The following DOT1L variants were observed in gnomAD, a reference collection of about 807,000 sequenced individuals.
DOT1L encodes histone-lysine N-methyltransferase, H3 lysine-79 specific.
DOT1L carries 33 observed loss-of-function variants against 153.3 expected under a neutral mutation model. That is an observed-to-expected ratio of 0.22 (90% CI 0.16 to 0.29). DOT1L has a LOEUF of 0.29. Among genes scored for constraint, DOT1L ranks in the 10% least tolerant of loss-of-function variants. The pLI is 1.00. For missense variants in DOT1L, 1,847 were observed against 2,119.9 expected, an observed-to-expected ratio of 0.87 and a Z score of 2.53; for synonymous variants, 1,135 against 965.1, an observed-to-expected ratio of 1.18 and a Z score of -3.26.
chr19:2,210,492 C>T lies in DOT1L; in HGVS notation c.1098C>T (p.Gly366=). ...AGGGCCCAGAGGGCAAGGTGGCCGGCCCCGCCGACGCCCCCATGGTAAGGC... is the reference window on the plus strand; with the variant it reads ...AGGGCCCAGAGGGCAAGGTGGCCGGTCCCGCCGACGCCCCCATGGTAAGGC... The part of the protein sequence containing the change: ...PTKGPEGKVA[G]PADAPMDSGA... The change falls in exon 13 of 28, where the codon GGC becomes GGT. Residue 366 remains glycine, a synonymous_variant. Coordinates refer to ENST00000398665, the MANE Select transcript of DOT1L (RefSeq NM_032482.3). The T allele has an allele frequency of 1.3e-6, 2 of 1,594,068 alleles. No individual in the cohort carries two copies. The highest frequency in any genetic ancestry group is 8.5e-7 in the Non-Finnish European group (1 of 1,171,892).
At chr19:2,223,779 C>A (rs971153328) in intron 25 of DOT1L, among the ~76,000 whole-genome samples, 1 of 152,170 alleles carries the variant, frequency 6.6e-6, no homozygotes, top group African/African-American at 2.4e-5. Flanking sequence ...AGCAGTGAGG[C>A]GTTGGAGGTC....
intron 9 of DOT1L, among the ~76,000 whole-genome samples, chr19:2,206,220 G>A (rs1482212895): frequency 6.6e-6 from 1 of 151,594 alleles, no homozygotes; most frequent in Non-Finnish European, 1.5e-5. Flanking sequence ...GGCTGGCCTC[G>A]GGTGATCCAC....
intron 27 of DOT1L, chr19:2,227,874 C>G: frequency 7.8e-7 from 1 of 1,277,590 alleles, no homozygotes; most frequent in Non-Finnish European, 1.0e-6. Context: ...CTCTTCCTTT[C>G]AGGCCCCGGC....
intron 2 of DOT1L, among the ~76,000 whole-genome samples, chr19:2,182,388 A>G (rs1271260141): frequency 6.6e-6 from 1 of 152,104 alleles, no homozygotes; most frequent in Non-Finnish European, 1.5e-5. Context: ...AAAAAAGTAA[A>G]AAATTAGCTG....
chr19:2,213,523 C>G lies in DOT1L; in HGVS notation c.1558-16C>G. 1 of 1,611,540 alleles carries G rather than the reference C, an allele frequency of 6.2e-7. No individual in the cohort carries two copies. The highest frequency in any genetic ancestry group is 8.5e-7 in the Non-Finnish European group (1 of 1,179,624). On this transcript the variant is annotated splice_polypyrimidine_tract_variant and intron_variant, in intron 16 of 27. Coordinates refer to ENST00000398665, the MANE Select transcript of DOT1L (RefSeq NM_032482.3). ...CCTGCCCTGGCCCTTAGTCACCTGC[C>G]CTGTTTGTCCTACAGGAGAAGAACG...
At chr19:2,172,538 C>A (rs2021698806) in intron 1 of DOT1L, among the ~76,000 whole-genome samples, 1 of 139,846 alleles carries the variant, frequency 7.2e-6, no homozygotes. Context: ...GAGTCTCACT[C>A]TTTTTACTCA....
intron 9 of DOT1L, 86 bp downstream of exon 9, chr19:2,202,865 A>AG: frequency 2.9e-6 from 4 of 1,390,402 alleles, no homozygotes; most frequent in Admixed American, 1.7e-5. Context: ...GTCCTGCAGA[A>AG]GGCAGCTCAG....
At chr19:2,219,962 G>A (rs1315853028) in intron 22 of DOT1L, 146 bp from the exon 23 acceptor site, 6 of 670,828 alleles carry the variant, frequency 8.9e-6, no homozygotes, top group South Asian at 1.9e-5. Context: ...AAGTTCCCCC[G>A]CTGCCCTCTT....
intron 3 of DOT1L, among the ~76,000 whole-genome samples, chr19:2,187,698 G>GCA (rs2022580848): frequency 6.6e-6 from 1 of 152,144 alleles, no homozygotes; most frequent in Non-Finnish European, 1.5e-5. Flanking sequence ...CGAGGCGGAT[G>GCA]GATCACGAGG....
At chr19:2,205,059 C>G (rs2023440399) in intron 9 of DOT1L, among the ~76,000 whole-genome samples, 1 of 152,134 alleles carries the variant, frequency 6.6e-6, no homozygotes, top group Non-Finnish European at 1.5e-5. Flanking sequence ...CAAGCTCCGC[C>G]TCCCAGGTTC....
chr19:2,164,840 G>A (rs2019848130), intron 1 of DOT1L, among the ~76,000 whole-genome samples: 1 of 152,170 alleles, frequency 6.6e-6, no homozygotes, highest in Non-Finnish European at 1.5e-5. Flanking sequence ...GGTATGGGCT[G>A]CCCTGGCCCT....
intron 22 of DOT1L, among the ~76,000 whole-genome samples, chr19:2,218,596 T>C (rs765053389): frequency 1.3e-5 from 2 of 151,984 alleles, no homozygotes; most frequent in East Asian, 1.9e-4. Context: ...GGTTTCACCG[T>C]GTTAGCCAGG....
Position 2,170,059 on chromosome 19 carries a change from G to A in DOT1L, c.81+5794G>A, listed in dbSNP as rs570462029. On this transcript the variant is annotated intron_variant, in intron 1 of 27. Transcript: ENST00000398665. Reference sequence around the variant, plus strand: ...ATAATCCGGAGAATTGCTTGAACCCGAGAGGGGGAGGCTGCAGTGAGCTGA... The same window carrying A: ...ATAATCCGGAGAATTGCTTGAACCCAAGAGGGGGAGGCTGCAGTGAGCTGA... Among the ~76,000 whole-genome samples the A allele has an allele frequency of 2.1e-3, 315 of 152,256 alleles. 1 individual carries two copies. The highest frequency in any genetic ancestry group is 7.3e-3 in the African/African-American group (302 of 41,548).
chr19:2,228,241 CG>C (rs1568376105), intron 27 of DOT1L: 2 of 1,362,472 alleles, frequency 1.5e-6, no homozygotes, highest in Non-Finnish European at 2.0e-6. Flanking sequence ...GCCCAGGCCG[CG>C]CCCGGGATCC....
chr19:2,199,754 C>T, intron 7 of DOT1L, 130 bp from the exon 8 acceptor site: 1 of 1,258,462 alleles, frequency 7.9e-7, no homozygotes, highest in Admixed American at 2.1e-5. Flanking sequence ...GCCGGTGGGG[C>T]CTGGGCCTCC....
intron 7 of DOT1L, 58 bp from the exon 8 acceptor site, chr19:2,199,817 GGGGCTGGGC>G: frequency 6.3e-7 from 1 of 1,578,786 alleles, no homozygotes; most frequent in Non-Finnish European, 8.6e-7. Context: ...TTTCTTCACA[GGGGCTGGGC>G]GGGCTGGGAG....
At position 2,210,735 on chromosome 19, in the gene DOT1L, C is replaced by T. The variant is rs2144832180; in HGVS notation, c.1231C>T (p.Arg411Cys). The T allele has an allele frequency of 3.7e-6, 6 of 1,613,190 alleles. No homozygotes were observed. The highest frequency in any genetic ancestry group is 5.1e-6 in the Non-Finnish European group (6 of 1,180,022). ...GGGGAGGAAGATGGCTGGCCGCAAGCGCGGGCGCCCCAAGAAGATGAACAC... is the reference window on the plus strand; with the variant it reads ...GGGGAGGAAGATGGCTGGCCGCAAGTGCGGGCGCCCCAAGAAGATGAACAC... ...KKGRKMAGRK[R>C]GRPKKMNTAN... is the part of the protein sequence containing the mutation. Residue 411 changes from arginine (R) to cysteine (C), a missense_variant, in exon 14 of 28, where the codon CGC becomes TGC. Physicochemically the swap from Arg to Cys is radical, Grantham distance 180. Coordinates refer to ENST00000398665, the MANE Select transcript of DOT1L (RefSeq NM_032482.3).
rs2023402057 is a variant in DOT1L, at chr19:2,204,167, CTGTT to C, written c.787+1389_787+1392del. On this transcript the variant is annotated intron_variant, in intron 9 of 27. Coordinates refer to ENST00000398665, the MANE Select transcript of DOT1L (RefSeq NM_032482.3). The surrounding 1 kb of genome is among the most constrained non-coding windows in gnomAD (Gnocchi z 5.7). ...TGTGTGTGCCCGTGTGCCTGTGTGT[CTGTT>C]AGCGTGTCTCTGTGTGCGTGCCTGT... Among the ~76,000 whole-genome samples the C allele has an allele frequency of 6.6e-6, 1 of 151,360 alleles. No homozygotes were observed. The highest frequency in any genetic ancestry group is 1.5e-5 in the Non-Finnish European group (1 of 67,768).
chr19:2,225,547 G>GTGTCCCGCATGGTGC, intron 26 of DOT1L, 95 bp downstream of exon 26: 4 of 1,316,996 alleles, frequency 3.0e-6, no homozygotes, highest in Non-Finnish European at 4.4e-6. Flanking sequence ...CCGCTGCATC[G>GTGTCCCGCATGGTGC]TGTCCCGCAT....
Sources: allele counts gnomAD v4.1 joint callset (sites outside exome capture counted in the v4.1 genomes callset), GRCh38; gene constraint gnomAD v4.1.1; non-coding constraint Gnocchi (gnomAD v3.1); transcripts MANE v1.5; gene names NCBI Gene and HGNC (gene_info 2026-07-23, HGNC 2026-07-21).